Variants in NTRK1 observed in about 807,000 individuals in gnomAD.
NTRK1 encodes the protein neurotrophic receptor tyrosine kinase 1.
A neutral mutation model predicts 86.8 loss-of-function variants in NTRK1; 62 were observed. That is an observed-to-expected ratio of 0.71 (90% CI 0.58 to 0.88). The LOEUF (loss-of-function observed/expected upper bound fraction) is 0.88, where lower values mean the gene tolerates loss of function less well. Among genes scored for constraint, NTRK1 ranks in the 40% least tolerant of loss-of-function variants. The pLI is 0.00. For missense variants in NTRK1, 967 were observed against 1,078.4 expected (o/e 0.90, Z 1.45); for synonymous variants, 469 against 456.6 (o/e 1.03, Z -0.35).
intron 1 of NTRK1, among the ~76,000 whole-genome samples, chr1:156,833,360 C>T (rs528640682): frequency 1.3e-5 from 2 of 152,220 alleles, no homozygotes; most frequent in African/African-American, 4.8e-5. Context: ...AGTTCGAGAC[C>T]AGTCTGTCCA....
chr1:156,835,848 C>G (rs1158726722), intron 1 of NTRK1, among the ~76,000 whole-genome samples: 2 of 152,204 alleles, frequency 1.3e-5, no homozygotes, highest in Middle Eastern at 3.2e-3. Context: ...AATTCTGCTT[C>G]CAAAAGAGGT....
At chr1:156,840,671 G>T in intron 1 of NTRK1, 1 of 602,364 alleles carries the variant, frequency 1.7e-6, no homozygotes, top group East Asian at 2.8e-5. Flanking sequence ...GCTCTCCCCC[G>T]AGGGACTCAG....
chr1:156,873,663 T>C lies in NTRK1; in HGVS notation c.881T>C (p.Val294Ala), dbSNP rs1252602135. 6.2e-7 allele frequency: 1 copy of C among 1,609,912 alleles called. No homozygotes were observed. Among genetic ancestry groups the C allele is most frequent in the Admixed American group, 1.7e-5 (1 of 59,972 alleles). ...FPASVQLHTA[V>A]EMHHWCIPFS... ...GCCAGTGTGCAGCTGCACACGGCGG[T>C]GGAGATGCACCACTGGTGCATCCCC... is the stretch of plus-strand genomic sequence containing the variant. The change falls in exon 8 of 17, where the codon GTG becomes GCG. Residue 294 changes from valine to alanine, a missense_variant. Val to Ala is a moderately conservative substitution (Grantham distance 64). This residue lies in a region of NTRK1 where 637 missense variants were observed against 776.5 expected (regional missense o/e 0.82). Coordinates refer to ENST00000524377, the MANE Select transcript of NTRK1 (RefSeq NM_002529.4).
chr1:156,868,351 G>A, intron 5 of NTRK1, 102 bp downstream of exon 5: 1 of 1,544,162 alleles, frequency 6.5e-7, no homozygotes, highest in Non-Finnish European at 8.7e-7. Flanking sequence ...CTGGGGAATG[G>A]GCACTGGCAA....
chr1:156,866,251 C>CA (rs1473627562), intron 3 of NTRK1, among the ~76,000 whole-genome samples: 2 of 152,214 alleles, frequency 1.3e-5, no homozygotes, highest in East Asian at 3.9e-4. Context: ...CAGAGGGTCC[C>CA]AGCAGCGGCA....
chr1:156,848,097 C>T (rs750920508), intron 2 of NTRK1, among the ~76,000 whole-genome samples: 20 of 151,586 alleles, frequency 1.3e-4, no homozygotes, highest in Non-Finnish European at 1.3e-4. Flanking sequence ...CTGTATTTAA[C>T]AAACTCTCCA....
At chr1:156,860,708 A>T, upstream of NTRK1, 2 of 782,070 alleles carry the variant, frequency 2.6e-6, no homozygotes, top group Non-Finnish European at 3.6e-6. Flanking sequence ...GAGAAGGCTG[A>T]CGCTGGGGGC....
At position 156,854,332 on chromosome 1, in the gene NTRK1, A is replaced by G; in HGVS notation, c.51-10022A>G. The G allele has an allele frequency of 6.4e-7, 1 of 1,568,310 alleles. No homozygotes were observed. Among genetic ancestry groups the G allele is most frequent in the South Asian group, 1.2e-5 (1 of 83,804 alleles). Reference sequence around the variant, plus strand: ...TGGGCATACACGGCACGCAGCATTGAGTACAGCCCAGGCCAAATTCCCCAT... The same window carrying G: ...TGGGCATACACGGCACGCAGCATTGGGTACAGCCCAGGCCAAATTCCCCAT... On this transcript the variant is annotated intron_variant, in intron 2 of 16. Transcript: ENST00000392302. The surrounding 1 kb of genome is among the most constrained non-coding windows in gnomAD (Gnocchi z 4.2).
intron 2 of NTRK1, chr1:156,843,142 C>T (rs1654861322): frequency 2.5e-6 from 4 of 1,614,022 alleles, no homozygotes; most frequent in African/African-American, 1.3e-5. Context: ...CTCGTGCCAG[C>T]CCCTCATATA....
intron 10 of NTRK1, 138 bp from the exon 11 acceptor site, chr1:156,874,767 AG>A (rs2102911159): frequency 7.8e-6 from 9 of 1,157,498 alleles, no homozygotes; most frequent in Non-Finnish European, 1.0e-5. Context: ...CAGCCACTGC[AG>A]GGGTCCCCAG....
At chr1:156,831,117 G>A (rs922054674) in intron 1 of NTRK1, among the ~76,000 whole-genome samples, 17 of 152,210 alleles carry the variant, frequency 1.1e-4, no homozygotes, top group African/African-American at 4.1e-4. Context: ...GAGAGGAGGG[G>A]AGGAAACTCA....
chr1:156,868,851 G>A lies in NTRK1; in HGVS notation c.717+204G>A, dbSNP rs1320145221. ...CAGGGCACGCACACACCCTCAGGGT[G>A]GGCACTGACCCAGCAGGGACCCCAG... On this transcript the variant is annotated intron_variant, in intron 6 of 16. Coordinates refer to ENST00000524377, the MANE Select transcript of NTRK1 (RefSeq NM_002529.4). Among the ~76,000 whole-genome samples, 4 of 152,172 alleles carry A rather than the reference G, an allele frequency of 2.6e-5. No homozygotes were observed. In the East Asian group the frequency reaches 7.7e-4, roughly 29 times the overall value.
chr1:156,869,921 A>G (rs1468053980), intron 6 of NTRK1, among the ~76,000 whole-genome samples: 2 of 152,180 alleles, frequency 1.3e-5, no homozygotes, highest in Non-Finnish European at 2.9e-5. Flanking sequence ...GGCTGGGAGC[A>G]TGGTGTTTAT....
chr1:156,840,955 G>T (rs374155767), intron 1 of NTRK1: 2 of 1,614,020 alleles, frequency 1.2e-6, no homozygotes, highest in East Asian at 4.5e-5. Context: ...GGTAGGCAGG[G>T]AGCCCCGGGC....
intron 1 of NTRK1, chr1:156,816,637 T>C: frequency 6.3e-7 from 1 of 1,589,952 alleles, no homozygotes; most frequent in Non-Finnish European, 8.6e-7. Context: ...GGGGTCTTTG[T>C]GCCCCCTCCC....
chr1:156,822,609 G>GTAAAAAA (rs60950376), intron 1 of NTRK1, among the ~76,000 whole-genome samples: 1 of 81,302 alleles, frequency 1.2e-5, no homozygotes, highest in African/African-American at 3.2e-5. Context: ...TAAAAGATTA[G>GTAAAAAA]AAAAAAAAAA....
chr1:156,817,548 A>G (rs757690368), intron 1 of NTRK1, among the ~76,000 whole-genome samples: 4 of 151,948 alleles, frequency 2.6e-5, no homozygotes, highest in Non-Finnish European at 5.9e-5. Context: ...ACCAGGCAAT[A>G]TTGGAGGAAG....
chr1:156,879,065 C>G, intron 14 of NTRK1, 57 bp from the exon 15 acceptor site: 3 of 1,603,660 alleles, frequency 1.9e-6, no homozygotes, highest in African/African-American at 2.7e-5. Context: ...TCGCCTTCCT[C>G]AGGCTCCTGG....
intron 1 of NTRK1, chr1:156,841,464 T>A (rs1558082920): frequency 6.2e-7 from 1 of 1,613,936 alleles, no homozygotes; most frequent in East Asian, 2.2e-5. Flanking sequence ...ACCTGCTCAT[T>A]GGACAGGCCC....
Sources: gnomAD v4.1 joint callset for allele counts (sites outside exome capture counted in the v4.1 genomes callset) on GRCh38, gnomAD v4.1.1 for gene constraint, gnomAD v4.1.1 regional missense constraint, Gnocchi (gnomAD v3.1) non-coding constraint, MANE v1.5 for transcripts, NCBI Gene and HGNC (gene_info 2026-07-23, HGNC 2026-07-21) for gene names.